FANCI: variants seen among roughly 807,000 people sequenced by gnomAD.
The protein encoded by FANCI is FA complementation group I.
A neutral mutation model predicts 176.1 loss-of-function variants in FANCI; 156 were observed. The ratio of observed to expected loss-of-function variants is 0.89; its 90% CI spans 0.78 to 1.01. FANCI has a LOEUF of 1.01. Ranked by LOEUF, FANCI falls within the 50% of genes least tolerant of loss-of-function variation. The pLI is 0.00. For synonymous variants in FANCI, 613 were observed against 541.7 expected, an observed-to-expected ratio of 1.13 and a Z score of -1.83; for missense variants, 1,678 against 1,534.1, an observed-to-expected ratio of 1.09 and a Z score of -1.57.
At chr15:89,256,304 TC>T (rs1189923158) in intron 2 of FANCI, among the ~76,000 whole-genome samples, 1 of 152,160 alleles carries the variant, frequency 6.6e-6, no homozygotes, top group African/African-American at 2.4e-5. Flanking sequence ...TTGTCTAGTG[TC>T]CCCTGGGGGA....
chr15:89,300,425 C>G (rs2054484572), intron 26 of FANCI, 40 bp downstream of exon 26: 1 of 1,569,970 alleles, frequency 6.4e-7, no homozygotes, highest in African/African-American at 1.4e-5. Flanking sequence ...GCCTGAGAGG[C>G]TTTGCAAAGG....
rs1426131277 is a variant in FANCI, at chr15:89,293,021, G to A, written c.2249G>A (p.Cys750Tyr). ...NICAFLVMGVCEVLIEYNFSI... is the reference protein window; with the variant it reads ...NICAFLVMGVYEVLIEYNFSI... ...TGTGCTTTTCTTGTGATGGGAGTTTGTGAGGTTTTAATAGAATACAATTTC... is the reference window on the plus strand; with the variant it reads ...TGTGCTTTTCTTGTGATGGGAGTTTATGAGGTTTTAATAGAATACAATTTC... Residue 750 changes from cysteine (C) to tyrosine (Y), a missense_variant, in exon 22 of 38, where the codon TGT (cysteine) becomes TAT (tyrosine). Cys to Tyr is a radical substitution (Grantham distance 194). Around this residue, in one of 3 missense-constraint regions of FANCI, gnomAD observed 1,204 missense variants for 1,077.4 expected, o/e 1.12. Coordinates refer to ENST00000310775, the MANE Select transcript of FANCI (RefSeq NM_001113378.2). The A allele has an allele frequency of 6.2e-7, 1 of 1,614,002 alleles. No individual in the cohort carries two copies. Among genetic ancestry groups the A allele is most frequent in the African/African-American group, 1.3e-5 (1 of 75,038 alleles).
chr15:89,299,677 C>T (rs929619397), intron 24 of FANCI, 123 bp from the exon 25 acceptor site: 30 of 931,076 alleles, frequency 3.2e-5, no homozygotes, highest in Non-Finnish European at 4.6e-5. Flanking sequence ...GGGGAGATTA[C>T]ACAACCATGT....
chr15:89,307,015 A>G (rs374868948), intron 32 of FANCI, among the ~76,000 whole-genome samples: 2 of 152,192 alleles, frequency 1.3e-5, no homozygotes, highest in Non-Finnish European at 2.9e-5. Flanking sequence ...CTTACTGTTT[A>G]TGTTCCTAGC....
At chr15:89,246,014 G>C (rs144051195) in intron 1 of FANCI, among the ~76,000 whole-genome samples, 103 of 152,314 alleles carry the variant, frequency 6.8e-4, no homozygotes, top group Non-Finnish European at 1.3e-3. Context: ...ACAGGACTTG[G>C]TAATGGATGT....
rs1043718711 is a variant in FANCI at position 89,306,100 on chromosome 15, T to G, written c.3443T>G (p.Leu1148Arg). ...LGTLLTFFHE[L>R]VQTALPSGSC... ...ACTCTGCTTACATTTTTCCACGAGC[T>G]GGTGCAGACAGCTCTGCCATCAGGC... The change falls in exon 32 of 38, where the codon CTG becomes CGG. Residue 1148 changes from leucine (L) to arginine (R), a missense_variant. Leu to Arg is a moderately radical substitution (Grantham distance 102). Coordinates refer to ENST00000310775, the MANE Select transcript of FANCI (RefSeq NM_001113378.2). 6.2e-7 allele frequency: 1 copy of G among 1,614,226 alleles called. No homozygotes were observed. The highest frequency in any genetic ancestry group is 1.3e-5 in the African/African-American group (1 of 75,060).
chr15:89,265,031 A>G (rs2052880185), intron 9 of FANCI, among the ~76,000 whole-genome samples: 2 of 152,232 alleles, frequency 1.3e-5, no homozygotes, highest in African/African-American at 4.8e-5. Flanking sequence ...CACTGACAGT[A>G]TAGCTACTTT....
chr15:89,315,474 G>A (rs980661214), intron 37 of FANCI, 85 bp downstream of exon 37: 15 of 917,482 alleles, frequency 1.6e-5, no homozygotes, highest in African/African-American at 6.5e-5. Context: ...ATTAGTGGAA[G>A]GGCAACAGAA....
At chr15:89,244,094 T>G (rs1404782930) in intron 1 of FANCI, 61 bp downstream of exon 1, 1 of 152,510 alleles carries the variant, frequency 6.6e-6, no homozygotes, top group Non-Finnish European at 1.5e-5. Flanking sequence ...ACTGGGCCCC[T>G]GGGAGGGAGC....
At chr15:89,254,775 G>A (rs147372758) in intron 2 of FANCI, among the ~76,000 whole-genome samples, 2 of 152,338 alleles carry the variant, frequency 1.3e-5, no homozygotes, top group Admixed American at 6.5e-5. Flanking sequence ...CTGTGCCACT[G>A]CAGTCCAGCC....
At chr15:89,260,946 T>G in intron 4 of FANCI, 103 bp downstream of exon 4, 1 of 1,393,954 alleles carries the variant, frequency 7.2e-7, no homozygotes, top group Non-Finnish European at 1.0e-6. Context: ...ATAGTCCTTA[T>G]TTATGAGTAA....
In FANCI at chr15:89,303,962, A is replaced by C. The variant is rs764860604; in HGVS notation, c.3058+47A>C. On this transcript the variant is annotated intron_variant, in intron 28 of 37. Coordinates refer to ENST00000310775, the MANE Select transcript of FANCI (RefSeq NM_001113378.2). The stretch of plus-strand genomic sequence containing the variant: ...CCTAAAGGCTTTATATAAAATCACT[A>C]TCCTCCAGTGGCATTTGGAAAAGAA... 1.9e-6 allele frequency: 3 copies of C among 1,556,168 alleles called. No homozygotes were observed. In the East Asian group the frequency reaches 6.7e-5, roughly 35 times the overall value.
At chr15:89,285,301 T>A in intron 18 of FANCI, 83 bp downstream of exon 18, 1 of 1,529,614 alleles carries the variant, frequency 6.5e-7, no homozygotes, top group Non-Finnish European at 8.9e-7. Context: ...ATTATAAAAG[T>A]ACAATAGCTA....
rs1257469425 is a variant in FANCI, at chr15:89,307,675, AAG to A, written c.3651+7_3651+8del. 6.2e-7 allele frequency: 1 copy of A among 1,614,138 alleles called. No individual in the cohort carries two copies. Among genetic ancestry groups the A allele is most frequent in the Non-Finnish European group, 8.5e-7 (1 of 1,180,022 alleles). Reference sequence around the variant, plus strand: ...ATTCTTTCATTTCTTACGTACAGGTAAGAGATTCAGAGGCAGTACCCAATAGG... The same window carrying A: ...ATTCTTTCATTTCTTACGTACAGGTAAGATTCAGAGGCAGTACCCAATAGG... On this transcript the variant is annotated splice_donor_5th_base_variant and intron_variant, in intron 34 of 37. Coordinates refer to ENST00000310775, the MANE Select transcript of FANCI (RefSeq NM_001113378.2).
At chr15:89,247,608 T>C in intron 1 of FANCI, 21 bp from the exon 2 acceptor site, 2 of 1,537,360 alleles carry the variant, frequency 1.3e-6, no homozygotes, top group Non-Finnish European at 1.8e-6. Flanking sequence ...TTCACCCACC[T>C]CTGACGTTTT....
chr15:89,286,472 A>G (rs562567846), intron 18 of FANCI, among the ~76,000 whole-genome samples: 7 of 152,242 alleles, frequency 4.6e-5, no homozygotes, highest in African/African-American at 1.7e-4. Flanking sequence ...TGTGAAAACA[A>G]CATTCATCTT....
chr15:89,268,611 GA>G (rs1346005379), intron 10 of FANCI, 86 bp downstream of exon 10: 8 of 1,527,292 alleles, frequency 5.2e-6, no homozygotes, highest in Non-Finnish European at 7.2e-6. Flanking sequence ...TTAATGACAG[GA>G]AATAAATACT....
Position 89,261,385 on chromosome 15 carries a change from G to A in FANCI, c.289-200G>A, listed in dbSNP as rs569505883. ...GCATATCTGAAAACATCAGGGAACCGATACAGGATTCTAACTTTTGAAGCC... is the reference window on the plus strand; with the variant it reads ...GCATATCTGAAAACATCAGGGAACCAATACAGGATTCTAACTTTTGAAGCC... On this transcript the variant is annotated intron_variant, in intron 4 of 37. Transcript: ENST00000310775. Among the ~76,000 whole-genome samples, 137 of 152,290 alleles carry A rather than the reference G, an allele frequency of 9.0e-4. 2 individuals are homozygous for A. The highest frequency in any genetic ancestry group is 1.7e-3 in the Non-Finnish European group (115 of 68,012).
chr15:89,286,238 C>T (rs966945764), intron 18 of FANCI, among the ~76,000 whole-genome samples: 1 of 152,180 alleles, frequency 6.6e-6, no homozygotes, highest in African/African-American at 2.4e-5. Context: ...AGTGATCCAC[C>T]TGTCTCGGCA....
Sources: allele counts gnomAD v4.1 joint callset (sites outside exome capture counted in the v4.1 genomes callset), GRCh38; gene constraint gnomAD v4.1.1; regional missense constraint gnomAD v4.1.1; transcripts MANE v1.5; gene names NCBI Gene and HGNC (gene_info 2026-07-23, HGNC 2026-07-21).